CAST: variants seen among roughly 807,000 people sequenced by gnomAD.
CAST encodes MIR583 host.
CAST carries 76 observed loss-of-function variants against 119.6 expected under a neutral mutation model. The observed-to-expected ratio is 0.64, with a 90% confidence interval of 0.53 to 0.77. The LOEUF (loss-of-function observed/expected upper bound fraction) is 0.77, where lower values mean the gene tolerates loss of function less well. Ranked by LOEUF, CAST falls within the 30% of genes least tolerant of loss-of-function variation. CAST has a pLI of 0.00. For synonymous variants in CAST, 319 were observed against 331.6 expected (o/e 0.96, Z 0.41); for missense variants, 953 against 946.5 (o/e 1.01, Z -0.09).
At chr5:96,147,999 A>G in the CAST span, among the ~76,000 whole-genome samples, 1 of 152,266 alleles carries the variant, frequency 6.6e-6, no homozygotes, top group Non-Finnish European at 1.5e-5. Context: ...GTTCAATTTC[A>G]TCATCGGACT....
chr5:95,990,726 A>T, the CAST span, among the ~76,000 whole-genome samples: 77 of 152,240 alleles, frequency 5.1e-4, no homozygotes, highest in Middle Eastern at 3.4e-3. Flanking sequence ...AGTATCATTT[A>T]AAAAATTAAT....
intron 1 of CAST, among the ~76,000 whole-genome samples, chr5:96,560,218 A>C (rs1216086890): frequency 1.3e-5 from 2 of 152,124 alleles, no homozygotes; most frequent in East Asian, 3.8e-4. Context: ...AGATGGATTA[A>C]AGACTTAAAT....
intron 16 of CAST, among the ~76,000 whole-genome samples, chr5:96,743,062 A>G (rs1199430177): frequency 3.3e-5 from 5 of 152,192 alleles, no homozygotes; most frequent in Non-Finnish European, 7.4e-5. Context: ...AAGTTTGGCA[A>G]TTGGAAATTT....
At chr5:96,022,585 T>C in the CAST span, among the ~76,000 whole-genome samples, 1 of 152,206 alleles carries the variant, frequency 6.6e-6, no homozygotes. Flanking sequence ...TATTCATGAC[T>C]CTTTCTTTTA....
At chr5:96,638,145 C>T (rs540439386) in intron 1 of CAST, among the ~76,000 whole-genome samples, 1 of 152,100 alleles carries the variant, frequency 6.6e-6, no homozygotes, top group Non-Finnish European at 1.5e-5. Flanking sequence ...GTGGCTCATG[C>T]CTGTAATCCC....
At chr5:96,330,872 G>A in the CAST span, among the ~76,000 whole-genome samples, 1 of 152,106 alleles carries the variant, frequency 6.6e-6, no homozygotes, top group African/African-American at 2.4e-5. Flanking sequence ...TCGGGAGAGG[G>A]TGAAGAGTCA....
At position 96,588,196 on chromosome 5, in the gene CAST, C is replaced by CTTTTTTTTTTTTTTT. The variant is rs140665192; in HGVS notation, c.60+58326_60+58340dup. Among the ~76,000 whole-genome samples, 42 of 75,844 alleles carry CTTTTTTTTTTTTTTT rather than the reference C, an allele frequency of 5.5e-4. 1 individual carries two copies. The highest frequency in any genetic ancestry group is 1.2e-3 in the African/African-American group (19 of 16,026). The allele number at this position is 75,844 out of a possible 152,430, so 49.8% of individuals were successfully genotyped here. A position where few individuals can be genotyped will look rare whatever the true frequency, so the allele number is the denominator to read the frequency against. Reference sequence around the variant, plus strand: ...TATTATTTTCTTTCTTTCTTTCTTTCTTTTTTTTTTTTTTTTTTTTTTTTG... The same window carrying CTTTTTTTTTTTTTTT: ...TATTATTTTCTTTCTTTCTTTCTTTCTTTTTTTTTTTTTTTTTTTTTTTTTTTTTTTTTTTTTTTG... On this transcript the variant is annotated intron_variant, in intron 1 of 11. Coordinates refer to the CAST transcript ENST00000505143.
At chr5:96,453,786 A>C in the CAST span, among the ~76,000 whole-genome samples, 5 of 152,164 alleles carry the variant, frequency 3.3e-5, no homozygotes, top group Middle Eastern at 3.4e-3. Flanking sequence ...GCATCAAGTA[A>C]AAATCTTAAA....
the CAST span, among the ~76,000 whole-genome samples, chr5:96,446,935 T>C: frequency 0.077 from 11,746 of 152,016 alleles, 539 homozygotes; most frequent in Middle Eastern, 0.15. Context: ...TTCCTGTCGT[T>C]TGGGGGATTT....
chr5:96,400,601 C>T, the CAST span, among the ~76,000 whole-genome samples: 77 of 152,328 alleles, frequency 5.1e-4, no homozygotes, highest in African/African-American at 1.7e-3. Context: ...AACCCACAGA[C>T]GAGGCCTTGA....
rs868477884 is a variant in CAST at position 96,757,647 on chromosome 5, C to T, written c.1826C>T (p.Ser609Leu). The T allele has an allele frequency of 6.3e-6, 10 of 1,581,024 alleles. No homozygotes were observed. The highest frequency in any genetic ancestry group is 8.7e-6 in the Non-Finnish European group (10 of 1,150,390). The change falls in exon 24 of 32, where the codon TCA becomes TTA. Residue 609 changes from serine to leucine, a missense_variant. Transcript: ENST00000675179. ...SEDFSGPQNA[S>L]SLKFEDAKLA... ...GACTTCTCTGGTCCACAAAATGCTT[C>T]ATCTCTTGTAAGTCCAAAACTCTTG...
chr5:96,549,638 C>A (rs570972522), intron 1 of CAST, among the ~76,000 whole-genome samples: 1 of 152,150 alleles, frequency 6.6e-6, no homozygotes, highest in African/African-American at 2.4e-5. Flanking sequence ...CCTTTCCTAG[C>A]CAAGGGAAGC....
chr5:96,337,403 T>A, the CAST span, among the ~76,000 whole-genome samples: 1 of 152,354 alleles, frequency 6.6e-6, no homozygotes, highest in South Asian at 2.1e-4. Context: ...TTATATTTTA[T>A]GTACTTTATT....
At chr5:96,743,011 AAACAAGGT>A (rs1387295645) in intron 16 of CAST, among the ~76,000 whole-genome samples, 1 of 152,228 alleles carries the variant, frequency 6.6e-6, no homozygotes, top group East Asian at 1.9e-4. Context: ...ACCCTTGACT[AAACAAGGT>A]AACAAGGAGG....
chr5:96,141,374 A>G, the CAST span, among the ~76,000 whole-genome samples: 6 of 152,312 alleles, frequency 3.9e-5, no homozygotes, highest in Non-Finnish European at 8.8e-5. Flanking sequence ...CTCCAATTAG[A>G]TTCGTTTTCT....
chr5:96,089,487 A>G, the CAST span, among the ~76,000 whole-genome samples: 1 of 152,254 alleles, frequency 6.6e-6, no homozygotes, highest in African/African-American at 2.4e-5. Context: ...GATGAGTTAA[A>G]TAAGTTATCA....
chr5:96,053,649 T>C, the CAST span, among the ~76,000 whole-genome samples: 4 of 152,214 alleles, frequency 2.6e-5, no homozygotes, highest in African/African-American at 9.7e-5. Flanking sequence ...ATTAGCAAAA[T>C]ATCAGTATCA....
chr5:96,473,223 C>T, the CAST span, among the ~76,000 whole-genome samples: 1 of 152,194 alleles, frequency 6.6e-6, no homozygotes, highest in Admixed American at 6.5e-5. Context: ...CAGTCACTGT[C>T]CTCATGGATC....
At chr5:96,338,969 G>A in the CAST span, among the ~76,000 whole-genome samples, 1 of 152,154 alleles carries the variant, frequency 6.6e-6, no homozygotes, top group Admixed American at 6.5e-5. Flanking sequence ...TGGCTCATGG[G>A]CACTCTGCTC....
Sources: allele counts gnomAD v4.1 joint callset (sites outside exome capture counted in the v4.1 genomes callset), GRCh38; gene constraint gnomAD v4.1.1; transcripts MANE v1.5; gene names NCBI Gene and HGNC (gene_info 2026-07-23, HGNC 2026-07-21).